SIK3: variants seen among roughly 807,000 people sequenced by gnomAD.
SIK3 encodes serine/threonine-protein kinase SIK3.
SIK3 carries 28 observed loss-of-function variants against 144.2 expected under a neutral mutation model. That is an observed-to-expected ratio of 0.19 (90% CI 0.14 to 0.27). The LOEUF (loss-of-function observed/expected upper bound fraction) is 0.27. Among genes scored for constraint, SIK3 ranks in the 10% least tolerant of loss-of-function variants. The pLI is 1.00. For missense variants in SIK3, 1,319 were observed against 1,776.0 expected, an observed-to-expected ratio of 0.74 and a Z score of 4.62; for synonymous variants, 686 against 676.3, an observed-to-expected ratio of 1.01 and a Z score of -0.22.
chr11:116,993,039 T>G (rs1445822551), intron 1 of SIK3, among the ~76,000 whole-genome samples: 1 of 152,108 alleles, frequency 6.6e-6, no homozygotes. Context: ...GATTTTTATT[T>G]TATTTTATTT....
At chr11:117,090,361 C>T (rs1955189140) in intron 1 of SIK3, among the ~76,000 whole-genome samples, 1 of 151,322 alleles carries the variant, frequency 6.6e-6, no homozygotes, top group African/African-American at 2.4e-5. Context: ...AAGAAGAATT[C>T]CTTCTTGTGT....
chr11:116,985,685 G>A (rs1011050987), intron 1 of SIK3, among the ~76,000 whole-genome samples: 3 of 152,110 alleles, frequency 2.0e-5, no homozygotes, highest in African/African-American at 7.2e-5. Context: ...AGAAAACTGG[G>A]TTTTTCTTTT....
At chr11:116,911,583 A>T (rs1021669594) in intron 4 of SIK3, among the ~76,000 whole-genome samples, 9 of 152,228 alleles carry the variant, frequency 5.9e-5, no homozygotes, top group African/African-American at 2.2e-4. Flanking sequence ...ATAAGTATGA[A>T]AAACATGCAT....
At chr11:117,025,024 C>T (rs1413470312) in intron 1 of SIK3, among the ~76,000 whole-genome samples, 1 of 152,126 alleles carries the variant, frequency 6.6e-6, no homozygotes, top group East Asian at 1.9e-4. Flanking sequence ...TTTCCACTTT[C>T]TTTTTGTCCA....
intron 1 of SIK3, among the ~76,000 whole-genome samples, chr11:117,069,494 T>C (rs11216261): frequency 0.072 from 10,976 of 152,242 alleles, 483 homozygotes; most frequent in Middle Eastern, 0.11. Flanking sequence ...ACCCAGTCAA[T>C]GTTCAAACTG....
chr11:116,946,683 G>A (rs1948607137), intron 3 of SIK3, among the ~76,000 whole-genome samples: 1 of 152,212 alleles, frequency 6.6e-6, no homozygotes, highest in African/African-American at 2.4e-5. Flanking sequence ...TATCCGTGGA[G>A]AACTCTCTCC....
chr11:116,871,310 AC>A (rs1430068173), intron 13 of SIK3, among the ~76,000 whole-genome samples: 2 of 151,802 alleles, frequency 1.3e-5, no homozygotes, highest in African/African-American at 2.4e-5. Flanking sequence ...AAAACAAAAC[AC>A]TCCTGGAATA....
intron 1 of SIK3, among the ~76,000 whole-genome samples, chr11:117,028,916 C>G (rs1173442820): frequency 1.3e-5 from 2 of 151,710 alleles, no homozygotes; most frequent in African/African-American, 4.9e-5. Flanking sequence ...ACCTGTAATC[C>G]CAGCATTTTG....
chr11:116,976,125 C>A (rs949026958), intron 1 of SIK3, among the ~76,000 whole-genome samples: 4 of 152,110 alleles, frequency 2.6e-5, no homozygotes, highest in Admixed American at 2.0e-4. Flanking sequence ...ATCAGATGTA[C>A]GATTTGCAAA....
At chr11:117,086,474 G>C (rs1565629852) in intron 1 of SIK3, among the ~76,000 whole-genome samples, 1 of 151,500 alleles carries the variant, frequency 6.6e-6, no homozygotes, top group South Asian at 2.1e-4. Flanking sequence ...AGTGGATCAC[G>C]AGGTAGGAGT....
At chr11:117,060,074 A>T (rs753917894) in intron 1 of SIK3, among the ~76,000 whole-genome samples, 4 of 152,250 alleles carry the variant, frequency 2.6e-5, no homozygotes, top group Non-Finnish European at 5.9e-5. Flanking sequence ...CTTTATTCAT[A>T]GTTGAAAAAA....
chr11:117,058,778 C>T (rs548674967), intron 1 of SIK3, among the ~76,000 whole-genome samples: 9 of 152,228 alleles, frequency 5.9e-5, no homozygotes, highest in Non-Finnish European at 8.8e-5. Flanking sequence ...ACAGATGAGG[C>T]TAAAACCCAT....
At chr11:116,860,438 G>C (rs1943260066) in intron 19 of SIK3, among the ~76,000 whole-genome samples, 1 of 152,078 alleles carries the variant, frequency 6.6e-6, no homozygotes, top group Non-Finnish European at 1.5e-5. Flanking sequence ...TCCTAAGACG[G>C]CTGACCTCTG....
intron 1 of SIK3, among the ~76,000 whole-genome samples, chr11:116,994,130 C>G (rs371823460): frequency 2.0e-5 from 3 of 152,330 alleles, no homozygotes; most frequent in African/African-American, 7.2e-5. Flanking sequence ...CCTCCCTTCT[C>G]CAGCCTTAAA....
At chr11:116,875,605 C>G (rs921144482) in intron 9 of SIK3, 154 bp from the exon 10 acceptor site, 1 of 855,966 alleles carries the variant, frequency 1.2e-6, no homozygotes, top group Middle Eastern at 3.4e-4. Context: ...AGGAAGCATC[C>G]TGTGAAGAGG....
chr11:116,910,636 A>T (rs1480702362), intron 4 of SIK3, among the ~76,000 whole-genome samples: 1 of 152,182 alleles, frequency 6.6e-6, no homozygotes, highest in Non-Finnish European at 1.5e-5. Context: ...AGAGAAAGGG[A>T]CAAGGCCTGG....
rs186203390 is a variant in SIK3 at position 117,093,339 on chromosome 11, G to A, written c.273+4804C>T. ...AAATGAGTTTGCACTAAACCACACC[G>A]ATGTGTCTGGCTAGTCAATATTTGG... On this transcript the variant is annotated intron_variant, in intron 1 of 24. Coordinates refer to ENST00000445177, the MANE Select transcript of SIK3 (RefSeq NM_001366686.3). Among the ~76,000 whole-genome samples the A allele has an allele frequency of 5.9e-3, 898 of 152,270 alleles. 5 individuals are homozygous for A. The highest frequency in any genetic ancestry group is 0.019 in the African/African-American group (803 of 41,552).
chr11:117,038,197 C>T (rs77939786), intron 1 of SIK3, among the ~76,000 whole-genome samples: 3,742 of 152,214 alleles, frequency 0.025, 84 homozygotes, highest in South Asian at 0.11. Flanking sequence ...GCCTTCTCCC[C>T]CTCTTCCAAG....
intron 1 of SIK3, among the ~76,000 whole-genome samples, chr11:117,031,528 T>C (rs1952261445): frequency 6.6e-6 from 1 of 150,862 alleles, no homozygotes; most frequent in South Asian, 2.1e-4. Context: ...TTTTATTTTA[T>C]TTATTTATTT....
Sources: gnomAD v4.1 joint callset for allele counts (sites outside exome capture counted in the v4.1 genomes callset) on GRCh38, gnomAD v4.1.1 for gene constraint, MANE v1.5 for transcripts, NCBI Gene and HGNC (gene_info 2026-07-23, HGNC 2026-07-21) for gene names.